SLC16A7: variants seen among roughly 807,000 people sequenced by gnomAD.
The protein encoded by SLC16A7 is solute carrier family 16 member 7.
Under a neutral mutation model 34.9 loss-of-function variants are expected in SLC16A7, and 33 were observed. The observed-to-expected ratio is 0.94, with a 90% confidence interval of 0.72 to 1.26. The LOEUF is 1.26. SLC16A7 is among the 50% of genes most tolerant of loss of function. The pLI, the probability that SLC16A7 is intolerant of heterozygous loss-of-function variation, is 0.00. For missense variants in SLC16A7, 573 were observed against 578.1 expected, an observed-to-expected ratio of 0.99 and a Z score of 0.09; for synonymous variants, 201 against 206.6, an observed-to-expected ratio of 0.97 and a Z score of 0.23.
In SLC16A7 at chr12:59,716,439, G is replaced by A. The variant is rs12296208; in HGVS notation, c.217+11421G>A. On this transcript the variant is annotated intron_variant, in intron 3 of 5. Coordinates refer to ENST00000547379, the MANE Select transcript of SLC16A7 (RefSeq NM_001270623.2). ...GAGAGAAATCTGGGTAGTGAACAAA[G>A]GGGAGCAAAAGGAGAAATATGATGT... is the stretch of plus-strand genomic sequence containing the variant. 1.9e-3 allele frequency among the ~76,000 whole-genome samples: 290 copies of A among 152,250 alleles called. 1 individual carries two copies. The highest frequency in any genetic ancestry group is 5.4e-3 in the African/African-American group (225 of 41,556).
chr12:59,607,736 A>G (rs1879010355), intron 1 of SLC16A7, among the ~76,000 whole-genome samples: 1 of 152,132 alleles, frequency 6.6e-6, no homozygotes, highest in Admixed American at 6.6e-5. Context: ...CTAAGTACCA[A>G]GAGTGTCCCC....
intron 3 of SLC16A7, among the ~76,000 whole-genome samples, chr12:59,754,897 A>C (rs1476592759): frequency 6.6e-6 from 1 of 152,218 alleles, no homozygotes; most frequent in African/African-American, 2.4e-5. Context: ...CACATCAAAA[A>C]GTTTATCCAC....
Position 59,638,783 on chromosome 12 carries a change from C to T in SLC16A7, c.-129-16369C>T, listed in dbSNP as rs114743782. Among the ~76,000 whole-genome samples the T allele has an allele frequency of 2.1e-3, 317 of 152,146 alleles. 1 individual carries two copies. The highest frequency in any genetic ancestry group is 6.6e-3 in the African/African-American group (274 of 41,534). On this transcript the variant is annotated intron_variant, in intron 1 of 5. Coordinates refer to ENST00000547379, the MANE Select transcript of SLC16A7 (RefSeq NM_001270623.2). ...AAGAGTTTATGTATTTTTATGTATC[C>T]TGATGGGTTATTACATCTTTACTAT...
intron 3 of SLC16A7, among the ~76,000 whole-genome samples, chr12:59,753,560 C>T (rs1040701678): frequency 9.9e-5 from 15 of 151,996 alleles, no homozygotes; most frequent in African/African-American, 3.6e-4. Flanking sequence ...AGCTAACTAT[C>T]CTAAATATAT....
At chr12:59,701,927 A>G (rs896256017) in intron 2 of SLC16A7, among the ~76,000 whole-genome samples, 1 of 151,840 alleles carries the variant, frequency 6.6e-6, no homozygotes, top group African/African-American at 2.4e-5. Flanking sequence ...AAGAATTAGT[A>G]ATAAAAGATG....
intron 1 of SLC16A7, among the ~76,000 whole-genome samples, chr12:59,604,653 T>G (rs10877321): frequency 0.22 from 33,393 of 152,054 alleles, 4,411 homozygotes; most frequent in East Asian, 0.67. Context: ...AGGAAGCATT[T>G]TTGTTATCCT....
In SLC16A7 at chr12:59,788,019, GTTC is replaced by G. The variant is rs1167597438; in HGVS notation, c.*8345_*8347del. 1.3e-5 allele frequency: 2 copies of G among 152,162 alleles called. No individual in the cohort carries two copies. Among genetic ancestry groups the G allele is most frequent in the African/African-American group, 2.4e-5 (1 of 41,442 alleles). 9.4% of individuals were successfully genotyped at this position (152,162 alleles called of 1,614,324 possible). A position where few individuals can be genotyped will look rare whatever the true frequency, so the allele number is the denominator to read the frequency against. On this transcript the variant is annotated 3_prime_UTR_variant, in exon 6 of 6. Transcript: ENST00000547379. ...TAAATTTGAAGCTTTTTATGTAAAAGTTCTTCTCCCAGATATTTTAAACCAGTA... is the reference window on the plus strand; with the variant it reads ...TAAATTTGAAGCTTTTTATGTAAAAGTTCTCCCAGATATTTTAAACCAGTA...
rs574465958 is a variant in SLC16A7, at chr12:59,712,247, T to C, written c.217+7229T>C. On this transcript the variant is annotated intron_variant, in intron 3 of 5. Coordinates refer to ENST00000547379, the MANE Select transcript of SLC16A7 (RefSeq NM_001270623.2). The stretch of plus-strand genomic sequence containing the variant: ...AACTGCAGATAAGGAACAAAGAAGA[T>C]AGTAAGTCTGACTCAAGCAATCTGT... 3.9e-5 allele frequency among the ~76,000 whole-genome samples: 6 copies of C among 152,352 alleles called. 1 individual carries two copies. The highest frequency in any genetic ancestry group is 1.9e-4 in the East Asian group (1 of 5,182).
intron 3 of SLC16A7, among the ~76,000 whole-genome samples, chr12:59,723,497 G>A (rs1190377703): frequency 1.3e-5 from 2 of 151,902 alleles, no homozygotes; most frequent in Non-Finnish European, 2.9e-5. Context: ...GAATTGCTAT[G>A]GGAGAAGACA....
intron 2 of SLC16A7, among the ~76,000 whole-genome samples, chr12:59,664,208 A>G (rs547840109): frequency 6.6e-6 from 1 of 152,220 alleles, no homozygotes; most frequent in South Asian, 2.1e-4. Flanking sequence ...GTGGGTATAA[A>G]TTGTTTGGCA....
At chr12:59,604,758 G>A (rs1002861149) in intron 1 of SLC16A7, among the ~76,000 whole-genome samples, 1 of 152,132 alleles carries the variant, frequency 6.6e-6, no homozygotes, top group Non-Finnish European at 1.5e-5. Context: ...TTAATCTGTT[G>A]AACAAAATGT....
rs530127792 is a variant in SLC16A7 at position 59,618,006 on chromosome 12, A to G, written c.-130+21770A>G. Among the ~76,000 whole-genome samples, 5 of 151,994 alleles carry G rather than the reference A, an allele frequency of 3.3e-5. No homozygotes were observed. In the East Asian group the frequency reaches 5.8e-4, roughly 18 times the overall value. ...TACTGAAATATAGCTATATTTTACT[A>G]TTGTTAACTGTGACTCAATTTTTTT... is the stretch of plus-strand genomic sequence containing the variant. On this transcript the variant is annotated intron_variant, in intron 1 of 5. Coordinates refer to ENST00000547379, the MANE Select transcript of SLC16A7 (RefSeq NM_001270623.2).
At chr12:59,754,485 G>T (rs371277865) in intron 3 of SLC16A7, among the ~76,000 whole-genome samples, 1 of 152,122 alleles carries the variant, frequency 6.6e-6, no homozygotes, top group Non-Finnish European at 1.5e-5. Flanking sequence ...ACACCTCTAC[G>T]CAAATAAACT....
At chr12:59,688,033 T>G (rs1003272672) in intron 2 of SLC16A7, among the ~76,000 whole-genome samples, 12 of 152,152 alleles carry the variant, frequency 7.9e-5, no homozygotes, top group Admixed American at 2.0e-4. Context: ...GTAACTTTAT[T>G]AAGTTCCTAT....
chr12:59,661,794 T>C (rs998128078), intron 2 of SLC16A7, among the ~76,000 whole-genome samples: 1 of 152,118 alleles, frequency 6.6e-6, no homozygotes, highest in African/African-American at 2.4e-5. Context: ...AATTATTCTA[T>C]GAAAGCAAAT....
At position 59,675,816 on chromosome 12, in the gene SLC16A7, T is replaced by C. The variant is rs562873955; in HGVS notation, c.-31+20566T>C. ...ATGACCTGGATCAGATGTCCTGATG[T>C]TATTTAGCACTTCCACTTTCCACAT... On this transcript the variant is annotated intron_variant, in intron 2 of 5. Coordinates refer to ENST00000547379, the MANE Select transcript of SLC16A7 (RefSeq NM_001270623.2). 3.9e-5 allele frequency among the ~76,000 whole-genome samples: 6 copies of C among 152,260 alleles called. No individual in the cohort carries two copies. The South Asian group carries it at 6.2e-4, about 16-fold the overall frequency.
chr12:59,605,093 C>T (rs980263136), intron 1 of SLC16A7, among the ~76,000 whole-genome samples: 1 of 152,150 alleles, frequency 6.6e-6, no homozygotes, highest in Admixed American at 6.5e-5. Context: ...CCTTTTGATC[C>T]TCCCACCTCA....
chr12:59,719,475 A>T (rs1441396723), intron 3 of SLC16A7, among the ~76,000 whole-genome samples: 1 of 152,094 alleles, frequency 6.6e-6, no homozygotes, highest in Non-Finnish European at 1.5e-5. Context: ...AAATATACAA[A>T]ATGTGTGATC....
intron 1 of SLC16A7, among the ~76,000 whole-genome samples, chr12:59,633,727 G>T: frequency 6.6e-6 from 1 of 152,016 alleles, no homozygotes; most frequent in Non-Finnish European, 1.5e-5. Context: ...GGTGGAAGGT[G>T]AAGGGGAAGC....
Sources: allele counts gnomAD v4.1 joint callset (sites outside exome capture counted in the v4.1 genomes callset), GRCh38; gene constraint gnomAD v4.1.1; transcripts MANE v1.5; gene names NCBI Gene and HGNC (gene_info 2026-07-23, HGNC 2026-07-21).